Variants in CIITA observed in about 807,000 individuals in gnomAD.
The protein encoded by CIITA is MHC class II transactivator.
CIITA carries 72 observed loss-of-function variants against 115.1 expected under a neutral mutation model. The ratio of observed to expected loss-of-function variants is 0.63; its 90% CI spans 0.52 to 0.76. The LOEUF is 0.76. Ranked by LOEUF, CIITA falls within the 30% of genes least tolerant of loss-of-function variation. The pLI is 0.00. For missense variants in CIITA, 1,617 were observed against 1,463.8 expected, an observed-to-expected ratio of 1.10 and a Z score of -1.71; for synonymous variants, 763 against 635.6, an observed-to-expected ratio of 1.20 and a Z score of -3.02.
intron 1 of CIITA, among the ~76,000 whole-genome samples, chr16:10,888,100 A>C (rs2037144318): frequency 6.6e-6 from 1 of 152,206 alleles, no homozygotes; most frequent in Non-Finnish European, 1.5e-5. Flanking sequence ...TAAGAAGCAC[A>C]TTAATAATAA....
At chr16:10,885,370 G>A (rs144168283) in intron 1 of CIITA, among the ~76,000 whole-genome samples, 15 of 152,114 alleles carry the variant, frequency 9.9e-5, no homozygotes, top group Admixed American at 4.6e-4. Context: ...GCACATGCAC[G>A]CACGTCTTCT....
Position 10,911,358 on chromosome 16 carries a change from TTCTC to T in CIITA, c.2888+1103_2888+1106del, listed in dbSNP as rs1380592482. 9.9e-5 allele frequency among the ~76,000 whole-genome samples: 10 copies of T among 100,572 alleles called. No individual in the cohort carries two copies. The South Asian group carries it at 1.5e-3, about 15-fold the overall frequency. 66.0% of individuals were successfully genotyped at this position (100,572 alleles called of 152,430 possible). On this transcript the variant is annotated intron_variant, in intron 13 of 19. Coordinates refer to ENST00000324288, the MANE Select transcript of CIITA (RefSeq NM_000246.4). The stretch of plus-strand genomic sequence containing the variant: ...TTCTTCCCCCTTTTCTTCTTTTTCT[TTCTC>T]TCTGTTTCTTTCTTTCTTTCTCTCT...
chr16:10,921,510 G>A (rs7404501), intron 16 of CIITA, among the ~76,000 whole-genome samples: 147,202 of 152,270 alleles, frequency 0.97, 71,384 homozygotes, highest in East Asian at 1. Context: ...ACCAAGGCAT[G>A]TTCTAAATGT....
chr16:10,939,337 T>G (rs1373818705), downstream of CIITA: 1 of 152,228 alleles, frequency 6.6e-6, no homozygotes, highest in African/African-American at 2.4e-5. The surrounding 1 kb of genome is among the most constrained non-coding windows in gnomAD (Gnocchi z 4.9). Flanking sequence ...GCCAGAGTCA[T>G]TTTTGCAAAA....
At chr16:10,866,419 C>G in intron 1 of CIITA, 1 of 566,466 alleles carries the variant, frequency 1.8e-6, no homozygotes, top group South Asian at 1.4e-5. Context: ...CCACTGCACT[C>G]TGCTCCATGA....
rs1326184029 is a variant in CIITA at position 10,909,065 on chromosome 16, C to T, written c.2694C>T (p.Ser898=). The T allele has an allele frequency of 1.2e-6, 2 of 1,614,154 alleles. No individual in the cohort carries two copies. The highest frequency in any genetic ancestry group is 8.5e-7 in the Non-Finnish European group (1 of 1,179,992). ...ALSDTVALWE[S]LQQHGETKLL... ...GCGACACGGTGGCGCTGTGGGAGTC[C>T]CTGCAGCAGCATGGGGAGACCAAGC... Residue 898 remains serine, a synonymous_variant, in exon 12 of 20, where the codon TCC becomes TCT. Coordinates refer to ENST00000324288, the MANE Select transcript of CIITA (RefSeq NM_000246.4).
In CIITA at chr16:10,890,352, C is replaced by T. The variant is rs558381263; in HGVS notation, c.53-4930C>T. The stretch of plus-strand genomic sequence containing the variant: ...AGGCTGGAGTGCAGTGGTGCAATCT[C>T]AGTTCACTGCAGCCTTGACACCTCC... On this transcript the variant is annotated intron_variant, in intron 1 of 19. Transcript: ENST00000324288. 3.9e-4 allele frequency among the ~76,000 whole-genome samples: 59 copies of T among 151,882 alleles called. 1 individual carries two copies. In the South Asian group the frequency reaches 0.012, roughly 31 times the overall value.
chr16:10,906,132 G>C (rs1471231914), intron 10 of CIITA, among the ~76,000 whole-genome samples: 2 of 152,070 alleles, frequency 1.3e-5, no homozygotes, highest in African/African-American at 4.8e-5. Context: ...GGTTGAAGCT[G>C]TGGTGGACCA....
rs1359831181 is a variant in CIITA at position 10,934,010 on chromosome 16, GA to G, written c.*10158del. 8 of 152,214 alleles carry G rather than the reference GA, an allele frequency of 5.3e-5. No homozygotes were observed. Among genetic ancestry groups the G allele is most frequent in the Admixed American group, 3.3e-4 (5 of 15,288 alleles). 9.4% of individuals were successfully genotyped at this position (152,214 alleles called of 1,614,324 possible). A position where few individuals can be genotyped will look rare whatever the true frequency, so the allele number is the denominator to read the frequency against. ...CTCTGCACAGGTCCATGTCCCTGAGGAAAGCCAACGTCACAGAGAAATGATG... is the reference window on the plus strand; with the variant it reads ...CTCTGCACAGGTCCATGTCCCTGAGGAAGCCAACGTCACAGAGAAATGATG... On this transcript the variant is annotated 3_prime_UTR_variant, in exon 20 of 20. Transcript: ENST00000324288. This position sits in a 1 kb window ranked among gnomAD's most constrained non-coding sequence, Gnocchi z 4.2.
rs6498124 is a variant in CIITA, at chr16:10,901,993, G to T, written c.482-45G>T. On this transcript the variant is annotated intron_variant, in intron 6 of 19. Coordinates refer to ENST00000324288, the MANE Select transcript of CIITA (RefSeq NM_000246.4). The surrounding 1 kb of genome is among the most constrained non-coding windows in gnomAD (Gnocchi z 6.8). ...CCAGGGCCCTCCCCATCCCAGGAAG[G>T]CCCCTCCAAGCACCCAGTCTCTAAC... 878,149 of 1,611,356 alleles carry T rather than the reference G, an allele frequency of 0.54. 245,413 individuals carry two copies. The highest frequency in any genetic ancestry group is 0.58 in the Non-Finnish European group (682,231 of 1,179,398).
intron 13 of CIITA, among the ~76,000 whole-genome samples, chr16:10,913,882 G>A (rs191300133): frequency 2.6e-5 from 4 of 151,606 alleles, no homozygotes; most frequent in African/African-American, 7.3e-5. Flanking sequence ...CGGAGGTTGC[G>A]GTGAGCTGAG....
In CIITA at chr16:10,918,064, A is replaced by G. The variant is rs118086904; in HGVS notation, c.3063-376A>G. Among the ~76,000 whole-genome samples, 1,257 of 152,336 alleles carry G rather than the reference A, an allele frequency of 8.3e-3. 4 individuals are homozygous for G. The highest frequency in any genetic ancestry group is 0.013 in the Non-Finnish European group (872 of 68,038). On this transcript the variant is annotated intron_variant, in intron 15 of 19. Transcript: ENST00000324288. ...GGCAGTGCTCTAGGCACAGGGATACAGTAATGAGCAAAACAGACACAGCCC... is the reference window on the plus strand; with the variant it reads ...GGCAGTGCTCTAGGCACAGGGATACGGTAATGAGCAAAACAGACACAGCCC...
At chr16:10,890,493 C>T (rs2037452358) in intron 1 of CIITA, among the ~76,000 whole-genome samples, 1 of 152,134 alleles carries the variant, frequency 6.6e-6, no homozygotes. Flanking sequence ...CACCATGTTG[C>T]CCAGGCTGGT....
intron 9 of CIITA, 112 bp downstream of exon 9, chr16:10,904,007 A>C: frequency 7.0e-7 from 1 of 1,423,602 alleles, no homozygotes; most frequent in Non-Finnish European, 9.9e-7. Flanking sequence ...ACAACAGGTC[A>C]TGTTTAGGGG....
Position 10,907,987 on chromosome 16 carries a change from G to A in CIITA, c.2495G>A (p.Arg832His), listed in dbSNP as rs778641112. The A allele has an allele frequency of 1.3e-5, 20 of 1,588,206 alleles. No homozygotes were observed. Among genetic ancestry groups the A allele is most frequent in the South Asian group, 1.0e-4 (9 of 87,740 alleles). Reference sequence around the variant, plus strand: ...CACGTGGTACAGGAGCTCCCCGGCCGCCTCTCTTTTCTGGGCACCCGCCTC... The same window carrying A: ...CACGTGGTACAGGAGCTCCCCGGCCACCTCTCTTTTCTGGGCACCCGCCTC... ...WQHVVQELPG[R>H]LSFLGTRLTP... Residue 832 changes from arginine (R) to histidine (H), a missense_variant, in exon 11 of 20, where the codon CGC becomes CAC. Coordinates refer to ENST00000324288, the MANE Select transcript of CIITA (RefSeq NM_000246.4). This position sits in a 1 kb window ranked among gnomAD's most constrained non-coding sequence, Gnocchi z 5.0.
intron 11 of CIITA, chr16:10,908,454 C>G (rs1365552471): frequency 9.8e-6 from 5 of 512,146 alleles, no homozygotes; most frequent in Non-Finnish European, 1.8e-5. Flanking sequence ...ATTCTTTCCA[C>G]CCCCTGAGCA....
chr16:10,917,329 C>T (rs894506795), intron 15 of CIITA, among the ~76,000 whole-genome samples: 1 of 152,112 alleles, frequency 6.6e-6, no homozygotes, highest in African/African-American at 2.4e-5. Context: ...CATGCCACCA[C>T]GTCCCGCTAA....
chr16:10,891,245 G>A (rs1175663032), intron 1 of CIITA, among the ~76,000 whole-genome samples: 1 of 148,298 alleles, frequency 6.7e-6, no homozygotes, highest in Non-Finnish European at 1.5e-5. Context: ...TGACTGGGGG[G>A]AAAGAGCACC....
chr16:10,885,369 C>T (rs375409826), intron 1 of CIITA, among the ~76,000 whole-genome samples: 8 of 152,214 alleles, frequency 5.3e-5, no homozygotes, highest in South Asian at 2.1e-4. Flanking sequence ...GGCACATGCA[C>T]GCACGTCTTC....
Sources: allele counts gnomAD v4.1 joint callset (sites outside exome capture counted in the v4.1 genomes callset), GRCh38; gene constraint gnomAD v4.1.1; non-coding constraint Gnocchi (gnomAD v3.1); transcripts MANE v1.5; gene names NCBI Gene and HGNC (gene_info 2026-07-23, HGNC 2026-07-21).